OLFM3: variants seen among roughly 807,000 people sequenced by gnomAD.
OLFM3 encodes the protein olfactomedin 3.
A neutral mutation model predicts 48.6 loss-of-function variants in OLFM3; 20 were observed. The observed-to-expected ratio is 0.41, with a 90% CI of 0.29 to 0.60. The LOEUF (loss-of-function observed/expected upper bound fraction) is 0.60. Ranked by LOEUF, OLFM3 falls within the 20% of genes least tolerant of loss-of-function variation. The probability of loss-of-function intolerance (pLI) is 0.28; values close to 1 mark genes in which losing one functional copy is unlikely to be tolerated. For missense variants in OLFM3, 437 were observed against 544.3 expected, an observed-to-expected ratio of 0.80 and a Z score of 1.96; for synonymous variants, 222 against 198.1, an observed-to-expected ratio of 1.12 and a Z score of -1.01.
intron 1 of OLFM3, chr1:101,837,594 TTA>T (rs1299749171): frequency 1.3e-5 from 2 of 151,692 alleles, no homozygotes; most frequent in African/African-American, 4.9e-5. Context: ...CTTAGAGGAC[TTA>T]GAGTTTTTGG....
intron 2 of OLFM3, among the ~76,000 whole-genome samples, chr1:101,834,742 G>A (rs1469825285): frequency 6.6e-6 from 1 of 152,146 alleles, no homozygotes; most frequent in East Asian, 1.9e-4. Context: ...TGTCATTTAT[G>A]TATTAATAAA....
At chr1:101,877,747 T>G (rs1657357684) in intron 1 of OLFM3, among the ~76,000 whole-genome samples, 1 of 151,892 alleles carries the variant, frequency 6.6e-6, no homozygotes, top group Non-Finnish European at 1.5e-5. Context: ...GTCTAAGTAT[T>G]TAAAGTCACT....
At chr1:101,880,992 C>T (rs1657505918) in intron 1 of OLFM3, among the ~76,000 whole-genome samples, 1 of 151,814 alleles carries the variant, frequency 6.6e-6, no homozygotes. Flanking sequence ...GTTAAGCTAT[C>T]TGAAAAATAA....
At chr1:101,916,067 C>T (rs1418393126) in intron 1 of OLFM3, among the ~76,000 whole-genome samples, 1 of 152,112 alleles carries the variant, frequency 6.6e-6, no homozygotes, top group Non-Finnish European at 1.5e-5. Context: ...GAAACTGTGA[C>T]TTACAGATCA....
At chr1:101,967,599 A>AAAAAAAAAAAAAAAAAT (rs1660652197) in intron 1 of OLFM3, among the ~76,000 whole-genome samples, 1 of 149,686 alleles carries the variant, frequency 6.7e-6, no homozygotes, top group Admixed American at 6.6e-5. Flanking sequence ...TGAAAAAAAA[A>AAAAAAAAAAAAAAAAAT]AAAAAAAAAA....
In OLFM3 at chr1:101,955,949, C is replaced by G. The variant is rs1046533155; in HGVS notation, c.69+40799G>C. On this transcript the variant is annotated intron_variant, in intron 1 of 5. Coordinates refer to ENST00000370103, the MANE Select transcript of OLFM3 (RefSeq NM_058170.4). ...TACCTCAGTTAATGGCATCACCATC[C>G]ACCATCAAGCTACAAGTCACAGAGT... Among the ~76,000 whole-genome samples, 7 of 151,960 alleles carry G rather than the reference C, an allele frequency of 4.6e-5. No individual in the cohort carries two copies. The East Asian group carries it at 1.2e-3, about 25-fold the overall frequency.
intron 1 of OLFM3, among the ~76,000 whole-genome samples, chr1:101,966,477 T>C (rs1323150133): frequency 1.3e-5 from 2 of 152,190 alleles, no homozygotes; most frequent in African/African-American, 4.8e-5. Context: ...CGGGTCCTTC[T>C]CATACTTTGG....
intron 1 of OLFM3, among the ~76,000 whole-genome samples, chr1:101,978,953 C>T (rs1157021137): frequency 6.6e-6 from 1 of 152,038 alleles, no homozygotes; most frequent in Non-Finnish European, 1.5e-5. Context: ...TAGGCATATG[C>T]TAGAGCAGAA....
At chr1:101,888,622 A>G (rs1388649167) in intron 1 of OLFM3, among the ~76,000 whole-genome samples, 1 of 152,196 alleles carries the variant, frequency 6.6e-6, no homozygotes, top group Non-Finnish European at 1.5e-5. Context: ...ACCAAAAGCA[A>G]TGGCAACAAA....
chr1:101,938,872 G>A (rs1659704225), intron 1 of OLFM3, among the ~76,000 whole-genome samples: 1 of 152,136 alleles, frequency 6.6e-6, no homozygotes, highest in Non-Finnish European at 1.5e-5. Flanking sequence ...TGTTTGCTAG[G>A]ATAAATCCCA....
At chr1:101,824,685 A>C (rs1057004056) in intron 4 of OLFM3, among the ~76,000 whole-genome samples, 12 of 147,980 alleles carry the variant, frequency 8.1e-5, no homozygotes, top group Non-Finnish European at 9.0e-5. Context: ...ACAACAACAA[A>C]AAACAGTTTC....
chr1:101,910,486 AAAG>A (rs1658724526), intron 1 of OLFM3, among the ~76,000 whole-genome samples: 1 of 144,504 alleles, frequency 6.9e-6, no homozygotes, highest in Admixed American at 6.9e-5. Flanking sequence ...AAAAAAAAAG[AAAG>A]AAGAAAAAAA....
intron 1 of OLFM3, among the ~76,000 whole-genome samples, chr1:101,933,626 G>A (rs1659524043): frequency 6.6e-6 from 1 of 152,054 alleles, no homozygotes; most frequent in East Asian, 1.9e-4. Context: ...CTTGTGAGGT[G>A]TTATAGAAGA....
intron 1 of OLFM3, among the ~76,000 whole-genome samples, chr1:101,864,971 C>T (rs1656800353): frequency 6.6e-6 from 1 of 152,200 alleles, no homozygotes; most frequent in Non-Finnish European, 1.5e-5. Flanking sequence ...ATCTTAATGA[C>T]TTCTAGCCCA....
At chr1:101,809,771 T>C (rs1247467061) in intron 4 of OLFM3, among the ~76,000 whole-genome samples, 1 of 151,912 alleles carries the variant, frequency 6.6e-6, no homozygotes, top group African/African-American at 2.4e-5. Flanking sequence ...ACAAAATAAT[T>C]CACTTGAATT....
chr1:101,876,804 T>C (rs1422965164), intron 1 of OLFM3, among the ~76,000 whole-genome samples: 2 of 151,972 alleles, frequency 1.3e-5, no homozygotes, highest in Non-Finnish European at 2.9e-5. Context: ...GGTTTTAGTA[T>C]AGGTTGTAAC....
chr1:101,984,194 A>T (rs956539928), intron 1 of OLFM3, among the ~76,000 whole-genome samples: 1 of 146,738 alleles, frequency 6.8e-6, no homozygotes, highest in East Asian at 2.1e-4. Flanking sequence ...AGCCAAGATG[A>T]CACCACTGCA....
intron 1 of OLFM3, chr1:101,893,527 G>T: frequency 3.5e-6 from 1 of 285,768 alleles, no homozygotes; most frequent in South Asian, 4.7e-5. Flanking sequence ...CAAAAACCAG[G>T]ACTGGAGCCA....
chr1:101,975,926 G>GA (rs1185539541), intron 1 of OLFM3, among the ~76,000 whole-genome samples: 1 of 152,056 alleles, frequency 6.6e-6, no homozygotes, highest in African/African-American at 2.4e-5. Flanking sequence ...AGCAAAGTAA[G>GA]AAAGAAACGA....
Sources: gnomAD v4.1 joint callset for allele counts (sites outside exome capture counted in the v4.1 genomes callset) on GRCh38, gnomAD v4.1.1 for gene constraint, MANE v1.5 for transcripts, NCBI Gene and HGNC (gene_info 2026-07-23, HGNC 2026-07-21) for gene names.